AFF3: variants seen among roughly 807,000 people sequenced by gnomAD.
The protein encoded by AFF3 is AF4/FMR2 family member 3.
In AFF3, 32 loss-of-function variants were observed where a neutral mutation model predicts 129.7. That is an observed-to-expected ratio of 0.25 (90% CI 0.19 to 0.33). The LOEUF (loss-of-function observed/expected upper bound fraction) is 0.33. AFF3 is among the 10% of genes least tolerant of loss of function. AFF3 has a pLI of 1.00. For synonymous variants in AFF3, 644 were observed against 635.4 expected (o/e 1.01, Z -0.20); for missense variants, 1,373 against 1,592.0 (o/e 0.86, Z 2.34).
At chr2:99,773,835 G>A (rs537951434) in intron 8 of AFF3, among the ~76,000 whole-genome samples, 5 of 152,246 alleles carry the variant, frequency 3.3e-5, no homozygotes, top group South Asian at 2.1e-4. Flanking sequence ...AAACCCCATC[G>A]TCTCAGCCCA....
chr2:99,572,601 G>A lies in AFF3; in HGVS notation c.2919-3686C>T, dbSNP rs1162533363. 8.8e-6 allele frequency: 4 copies of A among 455,646 alleles called. 1 individual carries two copies. The highest frequency in any genetic ancestry group is 3.1e-5 in the South Asian group (2 of 64,502). The allele number at this position is 455,646 out of a possible 1,614,324, so 28.2% of individuals were successfully genotyped here. ...GCAGAAATTGGATGATTTTCTTAGG[G>A]AAGTTGAAATCCAAATCAGACAAAT... On this transcript the variant is annotated intron_variant, in intron 18 of 24. Transcript: ENST00000672756.
At chr2:99,972,506 T>A (rs1370810636) in intron 7 of AFF3, among the ~76,000 whole-genome samples, 1 of 152,242 alleles carries the variant, frequency 6.6e-6, no homozygotes, top group Non-Finnish European at 1.5e-5. Flanking sequence ...TCATGGAATG[T>A]CCATATTGCT....
chr2:100,066,149 G>C (rs1263530671), intron 4 of AFF3, among the ~76,000 whole-genome samples: 1 of 152,026 alleles, frequency 6.6e-6, no homozygotes. Flanking sequence ...GAGTTTTGAG[G>C]GGAAGAAAGT....
At position 99,836,710 on chromosome 2, in the gene AFF3, G is replaced by GT. The variant is rs554422329; in HGVS notation, c.921+766dup. Among the ~76,000 whole-genome samples, 183 of 143,094 alleles carry GT rather than the reference G, an allele frequency of 1.3e-3. 1 individual carries two copies. The highest frequency in any genetic ancestry group is 6.5e-3 in the East Asian group (32 of 4,930). 93.9% of individuals were successfully genotyped at this position (143,094 alleles called of 152,430 possible). A position where few individuals can be genotyped will look rare whatever the true frequency, so the allele number is the denominator to read the frequency against. ...GGACCATATTAAATTAAAATAAAGT[G>GT]TTTTTTTTTTTACAGTAAAATTCAT... is the stretch of plus-strand genomic sequence containing the variant. On this transcript the variant is annotated intron_variant, in intron 8 of 24. Transcript: ENST00000672756.
intron 7 of AFF3, among the ~76,000 whole-genome samples, chr2:99,939,704 CAA>C (rs1303325171): frequency 6.6e-6 from 1 of 152,144 alleles, no homozygotes; most frequent in African/African-American, 2.4e-5. Context: ...TGGCGATTTC[CAA>C]AACGAAGCTT....
chr2:99,975,655 C>T (rs1349046358), intron 7 of AFF3, among the ~76,000 whole-genome samples: 1 of 151,566 alleles, frequency 6.6e-6, no homozygotes, highest in African/African-American at 2.4e-5. Context: ...GTGTTTGGAG[C>T]TCAGCAGCTG....
chr2:100,018,014 G>GTC (rs1683275665), intron 4 of AFF3, among the ~76,000 whole-genome samples: 1 of 133,600 alleles, frequency 7.5e-6, no homozygotes, highest in Non-Finnish European at 1.7e-5. Flanking sequence ...TGGTTGATAT[G>GTC]TGTGTGTGTG....
At chr2:100,033,385 T>C (rs768380873) in intron 4 of AFF3, among the ~76,000 whole-genome samples, 2 of 152,272 alleles carry the variant, frequency 1.3e-5, no homozygotes, top group Non-Finnish European at 2.9e-5. Context: ...GATAAGCTTA[T>C]ATGCACACAT....
chr2:99,624,215 C>T (rs1436093391), intron 13 of AFF3, among the ~76,000 whole-genome samples: 2 of 151,986 alleles, frequency 1.3e-5, no homozygotes, highest in African/African-American at 4.8e-5. Flanking sequence ...GCTTGAATTC[C>T]CCTAGGTGCT....
chr2:99,837,717 C>G (rs945976114), intron 7 of AFF3, among the ~76,000 whole-genome samples, 193 bp from the exon 8 acceptor site: 1 of 152,074 alleles, frequency 6.6e-6, no homozygotes, highest in Non-Finnish European at 1.5e-5. Context: ...GCTGCTCCCC[C>G]TTCTCTGGCT....
chr2:99,844,434 CTTTTTTTTTTTTTT>C lies in AFF3; in HGVS notation c.874-6924_874-6911del, dbSNP rs984233053. Among the ~76,000 whole-genome samples the C allele has an allele frequency of 5.4e-5, 5 of 92,460 alleles. No homozygotes were observed. In the Admixed American group the frequency reaches 8.0e-4, roughly 15 times the overall value. 60.7% of individuals were successfully genotyped at this position (92,460 alleles called of 152,430 possible). ...CAATACGAGAACTATTTTTTCTTTT[CTTTTTTTTTTTTTT>C]TTTTTTTGAGACAGAGTCTTGCTCT... On this transcript the variant is annotated intron_variant, in intron 7 of 24. Coordinates refer to ENST00000672756, the MANE Select transcript of AFF3 (RefSeq NM_001386135.1).
intron 7 of AFF3, among the ~76,000 whole-genome samples, chr2:99,917,042 C>T (rs1239018866): frequency 6.6e-6 from 1 of 152,194 alleles, no homozygotes; most frequent in Non-Finnish European, 1.5e-5. Context: ...TTCCCTCATA[C>T]ACTTGCTATG....
Position 99,578,471 on chromosome 2 carries a change from CAT to C in AFF3, c.2794-22_2794-21del. The C allele has an allele frequency of 6.2e-7, 1 of 1,606,822 alleles. No individual in the cohort carries two copies. The highest frequency in any genetic ancestry group is 8.5e-7 in the Non-Finnish European group (1 of 1,177,294). ...TGCTTTCTAAACAACAAACAACACA[CAT>C]CTTTGAGAAATTGGCCACCTGGTGA... is the stretch of plus-strand genomic sequence containing the variant. On this transcript the variant is annotated intron_variant, in intron 17 of 24. Transcript: ENST00000672756.
chr2:99,860,188 G>A (rs62147612), intron 7 of AFF3, among the ~76,000 whole-genome samples: 23,804 of 151,864 alleles, frequency 0.16, 2,041 homozygotes, highest in Admixed American at 0.24. Context: ...AGGCTGAGGC[G>A]GGAGGATCAC....
At chr2:99,756,926 CA>C (rs1319890826) in intron 8 of AFF3, among the ~76,000 whole-genome samples, 2 of 152,208 alleles carry the variant, frequency 1.3e-5, no homozygotes, top group Non-Finnish European at 2.9e-5. Context: ...AAGACCTTAG[CA>C]ACCACTTTCA....
chr2:100,030,278 T>C (rs371879668), intron 4 of AFF3, among the ~76,000 whole-genome samples: 88 of 152,138 alleles, frequency 5.8e-4, no homozygotes, highest in African/African-American at 2.0e-3. Flanking sequence ...TCTAGAAGTT[T>C]ACCTCAATTT....
intron 7 of AFF3, among the ~76,000 whole-genome samples, chr2:99,919,335 T>TGAA (rs201667139): frequency 0.02 from 3,010 of 152,268 alleles, 63 homozygotes; most frequent in African/African-American, 0.049. Context: ...TTTAATTATG[T>TGAA]GAAATCTGTT....
intron 4 of AFF3, among the ~76,000 whole-genome samples, chr2:100,028,030 T>C (rs1684186357): frequency 6.6e-6 from 1 of 152,218 alleles, no homozygotes; most frequent in Non-Finnish European, 1.5e-5. Flanking sequence ...GATAAATATC[T>C]GAAAACTGCA....
At chr2:99,738,152 G>A (rs554081841) in intron 10 of AFF3, among the ~76,000 whole-genome samples, 3 of 152,080 alleles carry the variant, frequency 2.0e-5, no homozygotes, top group East Asian at 3.9e-4. Context: ...GCTCTTGCTC[G>A]TGGTCTCGTT....
Sources: gnomAD v4.1 joint callset for allele counts (sites outside exome capture counted in the v4.1 genomes callset) on GRCh38, gnomAD v4.1.1 for gene constraint, MANE v1.5 for transcripts, NCBI Gene and HGNC (gene_info 2026-07-23, HGNC 2026-07-21) for gene names.